TNK1: variants seen among roughly 807,000 people sequenced by gnomAD.
TNK1 encodes the protein non-receptor tyrosine-protein kinase TNK1.
In TNK1, 53 loss-of-function variants were observed where a neutral mutation model predicts 65.2. That is an observed-to-expected ratio of 0.81 (90% CI 0.65 to 1.02). The LOEUF (loss-of-function observed/expected upper bound fraction) is 1.02, where lower values mean the gene tolerates loss of function less well. Among genes scored for constraint, TNK1 ranks in the 50% least tolerant of loss-of-function variants. TNK1 has a pLI of 0.00. For missense variants in TNK1, 837 were observed against 878.4 expected, an observed-to-expected ratio of 0.95 and a Z score of 0.60; for synonymous variants, 353 against 364.6, an observed-to-expected ratio of 0.97 and a Z score of 0.36.
chr17:7,383,212 C>T, intron 2 of TNK1, 38 bp from the exon 3 acceptor site: 1 of 1,613,756 alleles, frequency 6.2e-7, no homozygotes, highest in Non-Finnish European at 8.5e-7. Flanking sequence ...CTTCCCCACA[C>T]CCACCTCCAC....
In TNK1 at chr17:7,382,733, CG is replaced by C; in HGVS notation, c.-91-99del. On this transcript the variant is annotated intron_variant, in intron 1 of 12. Coordinates refer to ENST00000688331, the MANE Select transcript of TNK1 (RefSeq NM_003985.6). The surrounding 1 kb of genome is among the most constrained non-coding windows in gnomAD (Gnocchi z 4.1). ...GACAGAGTACCCGGATGCCTGGGCA[CG>C]GGGAACATTCTATCTGGGATTTGTG... The C allele has an allele frequency of 1.6e-6, 1 of 631,750 alleles. No homozygotes were observed. Among genetic ancestry groups the C allele is most frequent in the Non-Finnish European group, 2.7e-6 (1 of 371,610 alleles). 39.1% of individuals were successfully genotyped at this position (631,750 alleles called of 1,614,324 possible).
chr17:7,386,575 A>C lies in TNK1; in HGVS notation c.1152A>C (p.Glu384Asp), dbSNP rs1194326837. The change falls in exon 8 of 13, where the codon GAA becomes GAC. Residue 384 changes from glutamate (E) to aspartate (D), a missense_variant. Glu to Asp is a conservative substitution (Grantham distance 45, BLOSUM62 2). Coordinates refer to ENST00000688331, the MANE Select transcript of TNK1 (RefSeq NM_003985.6). ...TGTCTCCACAGGCCGGGCCTTCGGA[A>C]GCATGTTGTGTGAGGGATGTCACAG... Reference protein sequence around the residue: ...EGLLQEAGPSEACCVRDVTEP... With the variant: ...EGLLQEAGPSDACCVRDVTEP... The C allele has an allele frequency of 6.9e-6, 11 of 1,604,142 alleles. No homozygotes were observed. The South Asian group carries it at 1.1e-4, about 16-fold the overall frequency.
At chr17:7,386,700 C>G in intron 8 of TNK1, 45 bp downstream of exon 8, 7 of 1,471,088 alleles carry the variant, frequency 4.8e-6, no homozygotes, top group Non-Finnish European at 6.5e-6. Flanking sequence ...GGAGGATACC[C>G]TCCCAGCCTA....
intron 7 of TNK1, among the ~76,000 whole-genome samples, chr17:7,385,003 A>G (rs1905100959): frequency 6.6e-6 from 1 of 152,158 alleles, no homozygotes; most frequent in African/African-American, 2.4e-5. Flanking sequence ...AGGAGACAGC[A>G]CTCAGTTGCA....
intron 10 of TNK1, among the ~76,000 whole-genome samples, chr17:7,387,843 A>T (rs1905272856): frequency 6.6e-6 from 1 of 152,140 alleles, no homozygotes; most frequent in Non-Finnish European, 1.5e-5. Flanking sequence ...ACCTCGGGTG[A>T]TCTGCCTGCC....
At position 7,388,731 on chromosome 17, in the gene TNK1, G is replaced by A. The variant is rs916990766; in HGVS notation, c.1776+27G>A. On this transcript the variant is annotated intron_variant, in intron 11 of 12. Coordinates refer to ENST00000688331, the MANE Select transcript of TNK1 (RefSeq NM_003985.6). This position sits in a 1 kb window ranked among gnomAD's most constrained non-coding sequence, Gnocchi z 4.5. Reference sequence around the variant, plus strand: ...TGAGGTCTCACTGAAATGGCCTGGTGTCCAGAAGGGGCTACAGGCAGGGGC... The same window carrying A: ...TGAGGTCTCACTGAAATGGCCTGGTATCCAGAAGGGGCTACAGGCAGGGGC... 1 of 1,608,010 alleles carries A rather than the reference G, an allele frequency of 6.2e-7. No individual in the cohort carries two copies. The highest frequency in any genetic ancestry group is 8.5e-7 in the Non-Finnish European group (1 of 1,176,552).
chr17:7,384,371 T>A (rs1156864773), intron 6 of TNK1, 113 bp from the exon 7 acceptor site: 1 of 1,439,204 alleles, frequency 6.9e-7, no homozygotes, highest in Non-Finnish European at 9.1e-7. Context: ...AGGGTTATCC[T>A]CCTAGGCAAA....
At position 7,383,689 on chromosome 17, in the gene TNK1, G is replaced by C; in HGVS notation, c.427-20G>C. Reference sequence around the variant, plus strand: ...TTCTTCATGCCCGCAATGCCTAAAGGCGCTTCCCCCCACCTCCAGGTCCCA... The same window carrying C: ...TTCTTCATGCCCGCAATGCCTAAAGCCGCTTCCCCCCACCTCCAGGTCCCA... On this transcript the variant is annotated intron_variant, in intron 4 of 12. Transcript: ENST00000688331. The C allele has an allele frequency of 6.2e-7, 1 of 1,609,696 alleles. No homozygotes were observed.
chr17:7,384,104 C>T lies in TNK1; in HGVS notation c.717C>T (p.Arg239=), dbSNP rs1299524745. 2 of 1,546,316 alleles carry T rather than the reference C, an allele frequency of 1.3e-6. No individual in the cohort carries two copies. The highest frequency in any genetic ancestry group is 2.4e-5 in the South Asian group (2 of 84,686). ...GAGCCATGGCGTACCTGGGGGCCCG[C>T]GGGCTGGTGCACCGAGACCTCGCTA... ...LAGAMAYLGA[R]GLVHRDLATR... The change falls in exon 6 of 13, where the codon CGC becomes CGT. Residue 239 remains arginine (R), a synonymous_variant. Transcript: ENST00000688331.
intron 7 of TNK1, among the ~76,000 whole-genome samples, chr17:7,385,118 A>T (rs2143123190): frequency 6.6e-6 from 1 of 152,210 alleles, no homozygotes; most frequent in Middle Eastern, 3.4e-3. Context: ...TAATCCCAGC[A>T]CTTTGGGAGG....
intron 10 of TNK1, 128 bp downstream of exon 10, chr17:7,387,585 A>T: frequency 1.4e-6 from 1 of 732,534 alleles, no homozygotes; most frequent in Non-Finnish European, 2.1e-6. Flanking sequence ...CTGGCATCCT[A>T]GCTATACTGT....
chr17:7,381,732 G>A (rs956014913), intron 1 of TNK1, among the ~76,000 whole-genome samples: 1 of 152,334 alleles, frequency 6.6e-6, no homozygotes, highest in South Asian at 2.1e-4. Context: ...CTTTTGGCTT[G>A]AGGGGTCCCT....
intron 7 of TNK1, among the ~76,000 whole-genome samples, chr17:7,385,481 C>T (rs970516885): frequency 6.6e-5 from 10 of 152,118 alleles, no homozygotes; most frequent in Non-Finnish European, 1.5e-4. Context: ...TTGACCTGTG[C>T]AGGACACTGC....
In TNK1 at chr17:7,384,494, G is replaced by C; in HGVS notation, c.877G>C (p.Glu293Gln). The change falls in exon 7 of 13, where the codon GAG becomes CAG. Residue 293 changes from glutamate (E) to glutamine (Q), a missense_variant. Coordinates refer to ENST00000688331, the MANE Select transcript of TNK1 (RefSeq NM_003985.6). ...RPIPYAWCAP[E>Q]SLRHGAFSSA... ...CACTTCCTTCGGCAGGTGTGCCCCAGAGAGCCTGCGCCACGGAGCCTTCTC... is the reference window on the plus strand; with the variant it reads ...CACTTCCTTCGGCAGGTGTGCCCCACAGAGCCTGCGCCACGGAGCCTTCTC... 6.4e-7 allele frequency: 1 copy of C among 1,563,102 alleles called. No homozygotes were observed. The highest frequency in any genetic ancestry group is 8.7e-7 in the Non-Finnish European group (1 of 1,150,330).
chr17:7,388,383 T>C lies in TNK1; in HGVS notation c.1478-23T>C. Reference sequence around the variant, plus strand: ...GAGGCTGCAGCCAGCCGAGTTCAAGTTGTTTCCTTCTCAACTGTGCAGGCA... The same window carrying C: ...GAGGCTGCAGCCAGCCGAGTTCAAGCTGTTTCCTTCTCAACTGTGCAGGCA... On this transcript the variant is annotated intron_variant, in intron 10 of 12. Transcript: ENST00000688331. The surrounding 1 kb of genome is among the most constrained non-coding windows in gnomAD (Gnocchi z 4.5). 1.9e-6 allele frequency: 3 copies of C among 1,565,844 alleles called. No individual in the cohort carries two copies. Among genetic ancestry groups the C allele is most frequent in the Non-Finnish European group, 2.6e-6 (3 of 1,155,444 alleles).
intron 5 of TNK1, 48 bp downstream of exon 5, chr17:7,383,912 C>T: frequency 6.4e-7 from 1 of 1,570,688 alleles, no homozygotes; most frequent in Non-Finnish European, 8.6e-7. Context: ...GCGGCAGGAG[C>T]GTGGGCGGCC....
chr17:7,382,811 C>A lies in TNK1; in HGVS notation c.-91-25C>A. On this transcript the variant is annotated intron_variant, in intron 1 of 12. Coordinates refer to ENST00000688331, the MANE Select transcript of TNK1 (RefSeq NM_003985.6). This position sits in a 1 kb window ranked among gnomAD's most constrained non-coding sequence, Gnocchi z 4.1. ...TCTCTGCTGTGTCCCTGCCTCTGTACCTGAGTGTTTCTAATGACTTGCAGG... is the reference window on the plus strand; with the variant it reads ...TCTCTGCTGTGTCCCTGCCTCTGTAACTGAGTGTTTCTAATGACTTGCAGG... 2 of 1,131,298 alleles carry A rather than the reference C, an allele frequency of 1.8e-6. No homozygotes were observed. Among genetic ancestry groups the A allele is most frequent in the Non-Finnish European group, 2.5e-6 (2 of 793,906 alleles). The allele number at this position is 1,131,298 out of a possible 1,614,324, so 70.1% of individuals were successfully genotyped here.
Position 7,387,439 on chromosome 17 carries a change from C to T in TNK1, c.1459C>T (p.Pro487Ser), listed in dbSNP as rs761027715. The change falls in exon 10 of 13, where the codon CCC becomes TCC. Residue 487 changes from proline (P) to serine (S), a missense_variant. Physicochemically the swap from Pro to Ser is moderately conservative, Grantham distance 74. Transcript: ENST00000688331. Reference protein sequence around the residue: ...PPARGQRRNMPLERMKGISRS... With the variant: ...PPARGQRRNMSLERMKGISRS... ...AGCACGGGGCCAGAGGAGGAACATG[C>T]CCCTGGAGAGGATGAAAGGTGGGTG... 3.1e-6 allele frequency: 5 copies of T among 1,595,654 alleles called. No homozygotes were observed. Among genetic ancestry groups the T allele is most frequent in the Non-Finnish European group, 1.7e-6 (2 of 1,171,784 alleles).
At position 7,384,850 on chromosome 17, in the gene TNK1, G is replaced by T. The variant is rs1228819156; in HGVS notation, c.1137+96G>T. ...AAGACTAACACATCTAGATGTCTGTGCTGGGCTCTGGGACTCAGCTCTGAG... is the reference window on the plus strand; with the variant it reads ...AAGACTAACACATCTAGATGTCTGTTCTGGGCTCTGGGACTCAGCTCTGAG... On this transcript the variant is annotated intron_variant, in intron 7 of 12. Coordinates refer to ENST00000688331, the MANE Select transcript of TNK1 (RefSeq NM_003985.6). 3.4e-6 allele frequency: 5 copies of T among 1,455,598 alleles called. No individual in the cohort carries two copies. The East Asian group carries it at 1.2e-4, about 36-fold the overall frequency. The allele number at this position is 1,455,598 out of a possible 1,614,324, so 90.2% of individuals were successfully genotyped here.
Sources: allele counts gnomAD v4.1 joint callset (sites outside exome capture counted in the v4.1 genomes callset), GRCh38; gene constraint gnomAD v4.1.1; non-coding constraint Gnocchi (gnomAD v3.1); transcripts MANE v1.5; gene names NCBI Gene and HGNC (gene_info 2026-07-23, HGNC 2026-07-21).